SAMD4B: variants seen among roughly 807,000 people sequenced by gnomAD.
The protein encoded by SAMD4B is sterile alpha motif domain containing 4B.
A neutral mutation model predicts 74.5 loss-of-function variants in SAMD4B; 5 were observed. That is an observed-to-expected ratio of 0.07 (90% confidence interval 0.04 to 0.14). The LOEUF is 0.14. Among genes scored for constraint, SAMD4B ranks in the 10% least tolerant of loss-of-function variants. The pLI is 1.00. For missense variants in SAMD4B, 608 were observed against 921.8 expected (o/e 0.66, Z 4.41); for synonymous variants, 373 against 374.9 (o/e 1.00, Z 0.06).
chr19:39,365,516 C>T (rs1391907449), intron 3 of SAMD4B, among the ~76,000 whole-genome samples: 1 of 151,990 alleles, frequency 6.6e-6, no homozygotes, highest in Admixed American at 6.6e-5. Flanking sequence ...GATCATGCCA[C>T]TGCACTCCAA....
chr19:39,355,199 G>A (rs1374175392), intron 2 of SAMD4B, among the ~76,000 whole-genome samples: 1 of 152,154 alleles, frequency 6.6e-6, no homozygotes, highest in African/African-American at 2.4e-5. Flanking sequence ...TAAGTGCAAT[G>A]GGAAGTCATT....
At chr19:39,343,254 C>T (rs997015018) in intron 1 of SAMD4B, among the ~76,000 whole-genome samples, 1 of 151,658 alleles carries the variant, frequency 6.6e-6, no homozygotes, top group Non-Finnish European at 1.5e-5. Flanking sequence ...AGAATTTTCC[C>T]TCCCACTTAC....
At position 39,381,124 on chromosome 19, in the gene SAMD4B, C is replaced by T. The variant is rs1419421209; in HGVS notation, c.1972+11C>T. 1 of 1,591,040 alleles carries T rather than the reference C, an allele frequency of 6.3e-7. No homozygotes were observed. Among genetic ancestry groups the T allele is most frequent in the Non-Finnish European group, 8.5e-7 (1 of 1,170,176 alleles). Reference sequence around the variant, plus strand: ...TCATGTTCCCTCCAGGTGAGGTGCCCCACCCTTGGGACTCTGCCTGGCCAA... The same window carrying T: ...TCATGTTCCCTCCAGGTGAGGTGCCTCACCCTTGGGACTCTGCCTGGCCAA... On this transcript the variant is annotated intron_variant, in intron 12 of 13. Coordinates refer to ENST00000610417, the MANE Select transcript of SAMD4B (RefSeq NM_001384574.2).
chr19:39,361,651 CG>C (rs1568352162), intron 3 of SAMD4B, among the ~76,000 whole-genome samples: 1 of 150,162 alleles, frequency 6.7e-6, no homozygotes. Flanking sequence ...CGGCCGGGCG[CG>C]GTGGCTCACG....
chr19:39,357,149 C>G, intron 3 of SAMD4B, 60 bp downstream of exon 3: 1 of 1,454,580 alleles, frequency 6.9e-7, no homozygotes, highest in Admixed American at 2.0e-5. Context: ...ACAGATGTCA[C>G]ATGGCTAAGA....
downstream of SAMD4B, chr19:39,385,915 T>C: frequency 6.3e-7 from 1 of 1,579,516 alleles, no homozygotes; most frequent in Non-Finnish European, 8.6e-7. Flanking sequence ...AGTGAAAGGC[T>C]CACAAACAGA....
chr19:39,368,541 G>A (rs1214452203), intron 3 of SAMD4B, among the ~76,000 whole-genome samples: 2 of 152,128 alleles, frequency 1.3e-5, no homozygotes, highest in African/African-American at 4.8e-5. Context: ...TGGAAATGAA[G>A]GTGATGTTAG....
At chr19:39,389,971 A>G (rs910909564), downstream of SAMD4B, 1 of 1,088,072 alleles carries the variant, frequency 9.2e-7, no homozygotes, top group South Asian at 1.3e-5. This position sits in a 1 kb window ranked among gnomAD's most constrained non-coding sequence, Gnocchi z 5.3. Context: ...TAGGGTAGGT[A>G]CTGTGCTAGG....
In SAMD4B at chr19:39,385,281, T is replaced by A; in HGVS notation, c.*1754T>A. 2.9e-6 allele frequency: 1 copy of A among 345,956 alleles called. No homozygotes were observed. The highest frequency in any genetic ancestry group is 5.2e-6 in the Non-Finnish European group (1 of 193,178). The allele number at this position is 345,956 out of a possible 1,614,324, so 21.4% of individuals were successfully genotyped here. ...GATGGATGGGCCACCTCGTTTGGAA[T>A]CAGCAGGGTGTCCCTCTCATGGGAC... On this transcript the variant is annotated 3_prime_UTR_variant, in exon 14 of 14. Transcript: ENST00000610417.
chr19:39,390,498 A>G (rs1013336081), downstream of SAMD4B, among the ~76,000 whole-genome samples: 4 of 152,208 alleles, frequency 2.6e-5, no homozygotes, highest in Non-Finnish European at 4.4e-5. Flanking sequence ...TTTAATGAAC[A>G]AGGCCAAGTG....
chr19:39,389,226 G>T, downstream of SAMD4B: 1 of 1,608,154 alleles, frequency 6.2e-7, no homozygotes, highest in Non-Finnish European at 8.5e-7. The surrounding 1 kb of genome is among the most constrained non-coding windows in gnomAD (Gnocchi z 5.3). Context: ...GGTCCTTAGG[G>T]GCCACTGGAC....
In SAMD4B at chr19:39,377,516, C is replaced by T; in HGVS notation, c.1136C>T (p.Ala379Val). ...CTGGAAGGCGGGAACCTACGAAACG[C>T]TCTGCAGGAGCTGCAGCAGATCATC... ...DVLEGGNLRN[A>V]LQELQQIIIT... The change falls in exon 8 of 14, where the codon GCT (alanine) becomes GTT (valine). Residue 379 changes from alanine to valine, a missense_variant. By Grantham distance (64) the Ala-to-Val change is moderately conservative. This residue lies in a region of SAMD4B where 39 missense variants were observed against 125.3 expected (regional missense o/e 0.31). Transcript: ENST00000610417. 1.3e-6 allele frequency: 2 copies of T among 1,587,830 alleles called. No individual in the cohort carries two copies. Among genetic ancestry groups the T allele is most frequent in the Non-Finnish European group, 1.7e-6 (2 of 1,162,354 alleles).
chr19:39,359,361 A>G (rs1032911162), intron 3 of SAMD4B, among the ~76,000 whole-genome samples: 2 of 152,264 alleles, frequency 1.3e-5, no homozygotes, highest in African/African-American at 4.8e-5. Flanking sequence ...AAAATCAGAT[A>G]GTACAAAAGG....
chr19:39,374,262 TC>T (rs1451885049), intron 4 of SAMD4B, among the ~76,000 whole-genome samples: 1 of 150,988 alleles, frequency 6.6e-6, no homozygotes, highest in Non-Finnish European at 1.5e-5. Context: ...AAACTCCATC[TC>T]AAAAAAAAAA....
chr19:39,375,589 G>C lies in SAMD4B; in HGVS notation c.668-61G>C. ...GCCATCCTGGCACTGACGGCAGGGG[G>C]ATGGTCTCCTGTGGTTGGGTCCCCA... is the stretch of plus-strand genomic sequence containing the variant. On this transcript the variant is annotated intron_variant, in intron 4 of 13. Coordinates refer to ENST00000610417, the MANE Select transcript of SAMD4B (RefSeq NM_001384574.2). The surrounding 1 kb of genome is among the most constrained non-coding windows in gnomAD (Gnocchi z 4.1). 6.4e-7 allele frequency: 1 copy of C among 1,565,152 alleles called. No individual in the cohort carries two copies.
At position 39,383,694 on chromosome 19, in the gene SAMD4B, T is replaced by G; in HGVS notation, c.*167T>G. On this transcript the variant is annotated 3_prime_UTR_variant, in exon 14 of 14. Coordinates refer to ENST00000610417, the MANE Select transcript of SAMD4B (RefSeq NM_001384574.2). This position sits in a 1 kb window ranked among gnomAD's most constrained non-coding sequence, Gnocchi z 4.1. ...CTTTTGTTTAACATTGGCACATGCC[T>G]TGCTCACTCCCAGGCCCGTCGAGGG... 1 of 1,544,730 alleles carries G rather than the reference T, an allele frequency of 6.5e-7. No homozygotes were observed. The highest frequency in any genetic ancestry group is 8.7e-7 in the Non-Finnish European group (1 of 1,150,318).
downstream of SAMD4B, among the ~76,000 whole-genome samples, chr19:39,390,476 G>A (rs2078356199): frequency 6.6e-6 from 1 of 152,166 alleles, no homozygotes; most frequent in Non-Finnish European, 1.5e-5. Context: ...AGGAAGAAAT[G>A]CCCCCAAAAG....
chr19:39,347,721 T>C (rs937649917), intron 1 of SAMD4B, among the ~76,000 whole-genome samples: 9 of 152,214 alleles, frequency 5.9e-5, no homozygotes, highest in Non-Finnish European at 1.2e-4. Context: ...GAGTGGAGTT[T>C]TGTTTTGTTT....
At chr19:39,379,573 A>G (rs537563817) in intron 9 of SAMD4B, among the ~76,000 whole-genome samples, 1 of 152,214 alleles carries the variant, frequency 6.6e-6, no homozygotes, top group South Asian at 2.1e-4. Context: ...TAGATGAGCA[A>G]TGAATCTTTT....
Sources: gnomAD v4.1 joint callset for allele counts (sites outside exome capture counted in the v4.1 genomes callset) on GRCh38, gnomAD v4.1.1 for gene constraint, gnomAD v4.1.1 regional missense constraint, Gnocchi (gnomAD v3.1) non-coding constraint, MANE v1.5 for transcripts, NCBI Gene and HGNC (gene_info 2026-07-23, HGNC 2026-07-21) for gene names.